The following TUBGCP3 variants were observed in gnomAD, a reference collection of about 807,000 sequenced individuals.
The protein encoded by TUBGCP3 is tubulin gamma complex component 3.
TUBGCP3 carries 50 observed loss-of-function variants against 123.1 expected under a neutral mutation model. That is an observed-to-expected ratio of 0.41 (90% confidence interval 0.32 to 0.51). The LOEUF (loss-of-function observed/expected upper bound fraction) is 0.51. Ranked by LOEUF, TUBGCP3 falls within the 20% of genes least tolerant of loss-of-function variation. TUBGCP3 has a pLI of 0.36. For missense variants in TUBGCP3, 882 were observed against 1,127.0 expected (o/e 0.78, Z 3.11); for synonymous variants, 405 against 413.9 (o/e 0.98, Z 0.26).
In TUBGCP3 at chr13:112,547,682, AC is replaced by A; in HGVS notation, c.1105del (p.Val369PhefsTer10). 6.3e-7 allele frequency: 1 copy of A among 1,586,830 alleles called. No individual in the cohort carries two copies. Among genetic ancestry groups the A allele is most frequent in the Non-Finnish European group, 8.6e-7 (1 of 1,164,040 alleles). ...ESSLTLRRLL[V>X]WTYDPKIRLK... Reference sequence around the variant, plus strand: ...TCGTATTTTGGGATCATAGGTCCAAACCAGGAGGCGCCGAAGTGTTAAACTA... The same window carrying A: ...TCGTATTTTGGGATCATAGGTCCAAACAGGAGGCGCCGAAGTGTTAAACTA... On this transcript the variant is annotated frameshift_variant, in exon 10 of 22. Coordinates refer to ENST00000261965, the MANE Select transcript of TUBGCP3 (RefSeq NM_006322.6). LOFTEE classifies it high-confidence loss of function.
In TUBGCP3 at chr13:112,554,071, C is replaced by T; in HGVS notation, c.952G>A (p.Gly318Arg). ...CATGAACGCACCTGCCCGACGAGTC[C>T]GAATGAGCGGTCCAGGCTCCTCTGG... ...TDQRSLDRSF[G>R]LVGQSFCAAL... Residue 318 changes from glycine (G) to arginine (R), a missense_variant, in exon 8 of 22, where the codon GGA (glycine) becomes AGA (arginine). By Grantham distance (125) the Gly-to-Arg change is moderately radical (BLOSUM62 -2). Transcript: ENST00000261965. 2.5e-6 allele frequency: 4 copies of T among 1,612,798 alleles called. No individual in the cohort carries two copies. Among genetic ancestry groups the T allele is most frequent in the Non-Finnish European group, 3.4e-6 (4 of 1,179,644 alleles).
intron 1 of TUBGCP3, among the ~76,000 whole-genome samples, chr13:112,575,050 A>G (rs1222572293): frequency 6.6e-6 from 1 of 152,166 alleles, no homozygotes; most frequent in African/African-American, 2.4e-5. Flanking sequence ...CACACTTGAC[A>G]AGAACCAATA....
Position 112,545,666 on chromosome 13 carries a change from A to C in TUBGCP3, c.1335+33T>G. 2 of 1,599,168 alleles carry C rather than the reference A, an allele frequency of 1.3e-6. No individual in the cohort carries two copies. The highest frequency in any genetic ancestry group is 1.7e-6 in the Non-Finnish European group (2 of 1,167,202). ...ATAACTGCGTGCCCATGCTTTTTAA[A>C]TCCAAGTCTCAGAACCGAACACCGA... On this transcript the variant is annotated intron_variant, in intron 11 of 21. Transcript: ENST00000261965. The surrounding 1 kb of genome is among the most constrained non-coding windows in gnomAD (Gnocchi z 4.1).
chr13:112,519,622 G>A lies in TUBGCP3; in HGVS notation c.1881+264C>T, dbSNP rs1323484714. On this transcript the variant is annotated intron_variant, in intron 15 of 21. Transcript: ENST00000261965. The surrounding 1 kb of genome is among the most constrained non-coding windows in gnomAD (Gnocchi z 6.2). ...CCAGCACAGGGCAAGGGTGTCATGC[G>A]TTTTCTCCAGCTTAAGCCTAGCAGC... is the stretch of plus-strand genomic sequence containing the variant. Among the ~76,000 whole-genome samples the A allele has an allele frequency of 9.2e-5, 14 of 152,188 alleles. No homozygotes were observed. The highest frequency in any genetic ancestry group is 9.2e-4 in the Admixed American group (14 of 15,280).
intron 1 of TUBGCP3, among the ~76,000 whole-genome samples, chr13:112,576,688 CAAAG>C (rs1354134187): frequency 6.6e-6 from 1 of 151,758 alleles, no homozygotes; most frequent in Non-Finnish European, 1.5e-5. Flanking sequence ...TAAAAACTGT[CAAAG>C]AAAATCAGAA....
intron 20 of TUBGCP3, among the ~76,000 whole-genome samples, chr13:112,490,659 C>G (rs576034865): frequency 4.6e-5 from 7 of 152,336 alleles, no homozygotes; most frequent in African/African-American, 1.7e-4. Flanking sequence ...GCTTTTAAAT[C>G]TAGCCTTTTT....
chr13:112,487,254 C>T (rs1015414720), intron 21 of TUBGCP3, among the ~76,000 whole-genome samples: 1 of 152,252 alleles, frequency 6.6e-6, no homozygotes, highest in Admixed American at 6.5e-5. Flanking sequence ...AATATTTCTT[C>T]CACAGGTTGA....
chr13:112,532,001 A>C (rs937705846), intron 11 of TUBGCP3, among the ~76,000 whole-genome samples: 3 of 152,234 alleles, frequency 2.0e-5, no homozygotes, highest in African/African-American at 7.2e-5. Flanking sequence ...TCCCTACTAA[A>C]AACAGAAATG....
chr13:112,547,531 G>T, intron 10 of TUBGCP3, 89 bp downstream of exon 10: 1 of 1,355,702 alleles, frequency 7.4e-7, no homozygotes, highest in Non-Finnish European at 9.6e-7. Context: ...GCGTGGGAAA[G>T]ACGTGCATGG....
chr13:112,598,178 G>T, the TUBGCP3 span, among the ~76,000 whole-genome samples: 76 of 152,054 alleles, frequency 5.0e-4, 1 homozygote, highest in Admixed American at 1.2e-3. Flanking sequence ...GAAAACAACT[G>T]CCAATCTAGA....
intron 11 of TUBGCP3, 98 bp from the exon 12 acceptor site, chr13:112,527,582 G>A: frequency 1.2e-6 from 1 of 801,028 alleles, no homozygotes; most frequent in Admixed American, 2.1e-5. Context: ...AGAAAGCCAA[G>A]TTCTCCAGAC....
At chr13:112,593,016 C>A (rs1391888902), upstream of TUBGCP3, among the ~76,000 whole-genome samples, 1 of 152,178 alleles carries the variant, frequency 6.6e-6, no homozygotes, top group Non-Finnish European at 1.5e-5. Flanking sequence ...AAGTTTTGAT[C>A]GTTGCATTAG....
chr13:112,601,858 T>C, the TUBGCP3 span, among the ~76,000 whole-genome samples: 1 of 152,254 alleles, frequency 6.6e-6, no homozygotes, highest in Non-Finnish European at 1.5e-5. Flanking sequence ...CCCAGGGCCA[T>C]GGCTACAGAG....
At position 112,588,085 on chromosome 13, in the gene TUBGCP3, C is replaced by T; in HGVS notation, c.-105G>A. The stretch of plus-strand genomic sequence containing the variant: ...TCCTGCGCCCCGCAAGCTCCCTGCT[C>T]CTGACAGGCTAAGGCGCGGGCGCCG... On this transcript the variant is annotated 5_prime_UTR_variant, in exon 1 of 22. Transcript: ENST00000261965. The T allele has an allele frequency of 9.6e-7, 1 of 1,040,794 alleles. No individual in the cohort carries two copies. The highest frequency in any genetic ancestry group is 1.3e-6 in the Non-Finnish European group (1 of 787,842). The allele number at this position is 1,040,794 out of a possible 1,614,324, so 64.5% of individuals were successfully genotyped here.
In TUBGCP3 at chr13:112,546,085, T is replaced by A; in HGVS notation, c.1169-220A>T. On this transcript the variant is annotated intron_variant, in intron 10 of 21. Transcript: ENST00000261965. ...CCCTGGCTTTACACAAGTGTGTGAG[T>A]CACTCTTCTCTTTAGGACTGCTGAG... 6.0e-6 allele frequency: 3 copies of A among 500,148 alleles called. No individual in the cohort carries two copies. The South Asian group carries it at 1.0e-4, about 17-fold the overall frequency. The allele number at this position is 500,148 out of a possible 1,614,324, so 31.0% of individuals were successfully genotyped here. A position where few individuals can be genotyped will look rare whatever the true frequency, so the allele number is the denominator to read the frequency against.
chr13:112,516,307 G>T, intron 17 of TUBGCP3, 133 bp downstream of exon 17: 2 of 937,240 alleles, frequency 2.1e-6, no homozygotes, highest in Non-Finnish European at 2.9e-6. Context: ...AAGAAAGTTC[G>T]CCATCTGAAA....
At chr13:112,571,858 T>G (rs1881418965) in intron 1 of TUBGCP3, among the ~76,000 whole-genome samples, 1 of 152,210 alleles carries the variant, frequency 6.6e-6, no homozygotes, top group African/African-American at 2.4e-5. Flanking sequence ...GCTTCTTTCC[T>G]TCAGTCTCAT....
intron 2 of TUBGCP3, among the ~76,000 whole-genome samples, chr13:112,565,803 C>T (rs1178992902): frequency 4.6e-5 from 7 of 151,992 alleles, no homozygotes; most frequent in Admixed American, 2.0e-4. Context: ...GGTGTGTTAG[C>T]GGGCACCTGT....
At chr13:112,561,377 C>A (rs1273683761) in intron 3 of TUBGCP3, among the ~76,000 whole-genome samples, 5 of 152,360 alleles carry the variant, frequency 3.3e-5, no homozygotes, top group South Asian at 4.1e-4. Context: ...CACAACCACA[C>A]TATGACAGGG....
Sources: allele counts gnomAD v4.1 joint callset (sites outside exome capture counted in the v4.1 genomes callset), GRCh38; gene constraint gnomAD v4.1.1; non-coding constraint Gnocchi (gnomAD v3.1); transcripts MANE v1.5; gene names NCBI Gene and HGNC (gene_info 2026-07-23, HGNC 2026-07-21).